The following MPP7 variants were observed in gnomAD, a reference collection of about 807,000 sequenced individuals.
The protein encoded by MPP7 is MAGUK p55 subfamily member 7.
A neutral mutation model predicts 76.5 loss-of-function variants in MPP7; 60 were observed. The observed-to-expected ratio is 0.78, with a 90% CI of 0.64 to 0.97. The LOEUF is 0.97. MPP7 is among the 50% of genes least tolerant of loss of function. The probability of loss-of-function intolerance (pLI) is 0.00; values close to 1 mark genes in which losing one functional copy is unlikely to be tolerated. For synonymous variants in MPP7, 237 were observed against 244.5 expected (o/e 0.97, Z 0.29); for missense variants, 641 against 694.0 (o/e 0.92, Z 0.86).
At chr10:28,142,919 T>A (rs1333266644) in intron 5 of MPP7, among the ~76,000 whole-genome samples, 1 of 152,104 alleles carries the variant, frequency 6.6e-6, no homozygotes, top group Non-Finnish European at 1.5e-5. Flanking sequence ...CCCCAATAAT[T>A]TACTGTCCTA....
At chr10:28,168,054 T>A (rs974873883) in intron 3 of MPP7, among the ~76,000 whole-genome samples, 3 of 151,916 alleles carry the variant, frequency 2.0e-5, no homozygotes, top group Admixed American at 6.6e-5. Flanking sequence ...CTGGGCAACA[T>A]GGTGAAACCC....
At chr10:28,099,709 A>C (rs1324126068) in intron 11 of MPP7, among the ~76,000 whole-genome samples, 1 of 152,184 alleles carries the variant, frequency 6.6e-6, no homozygotes, top group East Asian at 1.9e-4. Flanking sequence ...CGGGAGGCTG[A>C]GGCAGGAGAA....
At chr10:28,213,277 T>C (rs924562287) in intron 2 of MPP7, among the ~76,000 whole-genome samples, 46 of 152,066 alleles carry the variant, frequency 3.0e-4, no homozygotes, top group Middle Eastern at 3.4e-3. Context: ...TGTCATTCAG[T>C]AGTTGTGAAG....
chr10:28,197,876 T>C (rs1454355473), intron 3 of MPP7, among the ~76,000 whole-genome samples: 2 of 152,210 alleles, frequency 1.3e-5, no homozygotes, highest in Non-Finnish European at 2.9e-5. Context: ...ATATATTGTA[T>C]ACTCCATAAA....
chr10:28,127,979 C>T (rs1368494487), intron 6 of MPP7, among the ~76,000 whole-genome samples: 1 of 152,168 alleles, frequency 6.6e-6, no homozygotes, highest in Non-Finnish European at 1.5e-5. Context: ...ATAAAATGCT[C>T]AAGAGCGAGC....
At chr10:28,224,965 T>C (rs1838641276) in intron 2 of MPP7, among the ~76,000 whole-genome samples, 1 of 152,164 alleles carries the variant, frequency 6.6e-6, no homozygotes, top group African/African-American at 2.4e-5. Flanking sequence ...CAAACAGTGG[T>C]ATAAAGCCAT....
chr10:28,266,941 T>A (rs929161116), intron 1 of MPP7, among the ~76,000 whole-genome samples: 1 of 152,246 alleles, frequency 6.6e-6, no homozygotes, highest in Non-Finnish European at 1.5e-5. Flanking sequence ...TTAATCCAAG[T>A]GTGCTATCTG....
At chr10:28,079,770 A>C in intron 12 of MPP7, among the ~76,000 whole-genome samples, 1 of 152,200 alleles carries the variant, frequency 6.6e-6, no homozygotes, top group East Asian at 1.9e-4. Context: ...AGCAATATGT[A>C]TTACTATTGT....
rs554196643 is a variant in MPP7, at chr10:28,196,398, T to C, written c.156+5755A>G. Among the ~76,000 whole-genome samples the C allele has an allele frequency of 2.6e-5, 4 of 151,642 alleles. No homozygotes were observed. In the South Asian group the frequency reaches 6.3e-4, roughly 24 times the overall value. On this transcript the variant is annotated intron_variant, in intron 3 of 16. Coordinates refer to ENST00000683449, the MANE Select transcript of MPP7 (RefSeq NM_001318170.2). ...GGGAGGCTGAGGCAGGAGACTCCCT[T>C]GAACCCAGGAGGCAGAGGTTGCAGT...
intron 13 of MPP7, among the ~76,000 whole-genome samples, chr10:28,063,537 C>A (rs551540047): frequency 4.3e-4 from 65 of 152,084 alleles, no homozygotes; most frequent in African/African-American, 1.3e-3. Context: ...ATCCCCAGGC[C>A]ACACCAGTCT....
chr10:28,096,367 C>G (rs1317366003), intron 11 of MPP7, among the ~76,000 whole-genome samples: 4 of 152,172 alleles, frequency 2.6e-5, no homozygotes, highest in Admixed American at 2.0e-4. Context: ...CAAGTGAAAA[C>G]TGTACATCAC....
At chr10:28,320,402 A>C (rs897542348) in intron 2 of MPP7, among the ~76,000 whole-genome samples, 2 of 92,624 alleles carry the variant, frequency 2.2e-5, no homozygotes, top group African/African-American at 9.5e-5. Flanking sequence ...GAAGTTACTG[A>C]AGATTTTTTT....
chr10:28,115,088 G>GTTTGTTTGT (rs1834622313), intron 11 of MPP7, among the ~76,000 whole-genome samples: 2 of 151,742 alleles, frequency 1.3e-5, no homozygotes, highest in South Asian at 4.2e-4. Flanking sequence ...TTGTTTGTTT[G>GTTTGTTTGT]TTTGTTTTGT....
intron 2 of MPP7, among the ~76,000 whole-genome samples, chr10:28,212,989 T>C (rs1278664334): frequency 6.6e-6 from 1 of 152,208 alleles, no homozygotes; most frequent in South Asian, 2.1e-4. Flanking sequence ...ACTCAGGCTG[T>C]AGTGCAGTGC....
At chr10:28,244,605 T>C (rs948912249) in intron 1 of MPP7, among the ~76,000 whole-genome samples, 5 of 152,018 alleles carry the variant, frequency 3.3e-5, no homozygotes, top group Non-Finnish European at 5.9e-5. Context: ...TTTCCACACA[T>C]GGAAAGGGAA....
At chr10:28,230,313 T>C (rs1838838359) in intron 2 of MPP7, among the ~76,000 whole-genome samples, 1 of 151,794 alleles carries the variant, frequency 6.6e-6, no homozygotes, top group Non-Finnish European at 1.5e-5. Flanking sequence ...AATACTCTAG[T>C]TAAAAGCAAA....
chr10:28,164,712 T>C (rs1204972265), intron 3 of MPP7, among the ~76,000 whole-genome samples: 1 of 152,146 alleles, frequency 6.6e-6, no homozygotes, highest in Non-Finnish European at 1.5e-5. Flanking sequence ...GTTAGTGTTT[T>C]TTATGTGGGG....
In MPP7 at chr10:28,069,614, A is replaced by C. The variant is rs1312527033; in HGVS notation, c.1204+158T>G. On this transcript the variant is annotated intron_variant, in intron 13 of 16. Coordinates refer to ENST00000683449, the MANE Select transcript of MPP7 (RefSeq NM_001318170.2). ...TGAGACTCCATCTCAAAAAAACAAA[A>C]CAAACAAAAAAAAAACTCACATGCC... 9.0e-4 allele frequency among the ~76,000 whole-genome samples: 118 copies of C among 130,958 alleles called. 3 individuals carry two copies. The highest frequency in any genetic ancestry group is 3.5e-3 in the Middle Eastern group (1 of 288). The allele number at this position is 130,958 out of a possible 152,430, so 85.9% of individuals were successfully genotyped here. A position where few individuals can be genotyped will look rare whatever the true frequency, so the allele number is the denominator to read the frequency against.
intron 12 of MPP7, among the ~76,000 whole-genome samples, chr10:28,080,295 A>G (rs1016438075): frequency 3.3e-5 from 5 of 152,102 alleles, no homozygotes; most frequent in African/African-American, 1.2e-4. Context: ...AGTGCAATAA[A>G]ATTAAGAGGT....
Sources: gnomAD v4.1 joint callset for allele counts (sites outside exome capture counted in the v4.1 genomes callset) on GRCh38, gnomAD v4.1.1 for gene constraint, MANE v1.5 for transcripts, NCBI Gene and HGNC (gene_info 2026-07-23, HGNC 2026-07-21) for gene names.